Variants in COL11A1 observed in about 807,000 individuals in gnomAD.
COL11A1 encodes collagen alpha-1(XI) chain.
COL11A1 carries 74 observed loss-of-function variants against 265.2 expected under a neutral mutation model. The observed-to-expected ratio is 0.28, with a 90% CI of 0.23 to 0.34. COL11A1 has a LOEUF of 0.34. COL11A1 is among the 10% of genes least tolerant of loss of function. The pLI is 1.00. For missense variants in COL11A1, 2,165 were observed against 2,263.6 expected (o/e 0.96, Z 0.88); for synonymous variants, 816 against 727.6 (o/e 1.12, Z -1.96).
At chr1:103,049,479 G>A (rs1669603775) in intron 4 of COL11A1, among the ~76,000 whole-genome samples, 1 of 151,928 alleles carries the variant, frequency 6.6e-6, no homozygotes, top group South Asian at 2.1e-4. Flanking sequence ...CTTTTATTTT[G>A]AGCCTATGTG....
intron 46 of COL11A1, among the ~76,000 whole-genome samples, chr1:102,932,424 C>T (rs529059741): frequency 6.6e-6 from 1 of 152,324 alleles, no homozygotes; most frequent in East Asian, 1.9e-4. Flanking sequence ...TTGGCCCCCA[C>T]TCTCTTCTGG....
chr1:103,038,690 G>C (rs1668570264), intron 4 of COL11A1, among the ~76,000 whole-genome samples: 1 of 152,142 alleles, frequency 6.6e-6, no homozygotes, highest in African/African-American at 2.4e-5. Flanking sequence ...ATTGATCAAT[G>C]TTGTATTTTA....
At chr1:102,905,730 C>T (rs943524243) in intron 54 of COL11A1, among the ~76,000 whole-genome samples, 8 of 151,966 alleles carry the variant, frequency 5.3e-5, no homozygotes, top group Non-Finnish European at 7.4e-5. Flanking sequence ...CCATATATGT[C>T]ACATGAATTT....
chr1:103,000,738 ATTCTGC>A (rs1237408874), intron 24 of COL11A1, among the ~76,000 whole-genome samples: 9 of 152,016 alleles, frequency 5.9e-5, no homozygotes, highest in Admixed American at 5.9e-4. Flanking sequence ...TAACACAAGA[ATTCTGC>A]TTCTAAGTAT....
intron 5 of COL11A1, chr1:103,030,752 G>A (rs1449051345): frequency 1.6e-5 from 5 of 310,330 alleles, no homozygotes; most frequent in South Asian, 8.6e-5. Flanking sequence ...TAGGGAGATG[G>A]CATGTACACC....
At chr1:102,991,048 CAAAA>C (rs2101760100) in intron 28 of COL11A1, among the ~76,000 whole-genome samples, 1 of 151,916 alleles carries the variant, frequency 6.6e-6, no homozygotes, top group South Asian at 2.1e-4. Flanking sequence ...CAAAACAAAA[CAAAA>C]CAAACAAACA....
intron 57 of COL11A1, among the ~76,000 whole-genome samples, chr1:102,892,596 T>C (rs1651904997): frequency 6.6e-6 from 1 of 152,302 alleles, no homozygotes; most frequent in Middle Eastern, 3.4e-3. Context: ...AGCTGCTGCA[T>C]GAATGAGGAT....
At chr1:102,998,484 C>A in intron 24 of COL11A1, 121 bp from the exon 25 acceptor site, 1 of 565,672 alleles carries the variant, frequency 1.8e-6, no homozygotes, top group Non-Finnish European at 3.0e-6. Context: ...AAGTAATAAC[C>A]ATTTAAATAA....
intron 31 of COL11A1, among the ~76,000 whole-genome samples, chr1:102,982,174 C>T (rs913987134): frequency 6.6e-6 from 1 of 151,778 alleles, no homozygotes; most frequent in Admixed American, 6.6e-5. Context: ...AAATTCCAGA[C>T]ATTTCAGTAA....
intron 41 of COL11A1, among the ~76,000 whole-genome samples, chr1:102,954,906 C>T (rs559863317): frequency 6.6e-6 from 1 of 151,890 alleles, no homozygotes; most frequent in African/African-American, 2.4e-5. Context: ...TACTTTCACT[C>T]TCTACATGAC....
At chr1:102,884,223 C>T (rs1339271687) in intron 63 of COL11A1, 2 of 152,182 alleles carry the variant, frequency 1.3e-5, no homozygotes, top group East Asian at 1.9e-4. Flanking sequence ...TAGAATCCCT[C>T]CTCCCCAAAG....
At chr1:103,000,967 G>A (rs572894648) in intron 24 of COL11A1, 25 of 388,464 alleles carry the variant, frequency 6.4e-5, no homozygotes, top group African/African-American at 4.9e-4. Flanking sequence ...CAGCATGGAT[G>A]AACCTAAAAT....
chr1:102,880,099 T>C, intron 65 of COL11A1, 183 bp from the exon 66 acceptor site: 3 of 589,924 alleles, frequency 5.1e-6, no homozygotes, highest in South Asian at 4.1e-5. Context: ...CAAGATTTTA[T>C]GAATTGTATC....
In COL11A1 at chr1:102,974,815, A is replaced by T. The variant is rs1662309353; in HGVS notation, c.2808+15T>A. The T allele has an allele frequency of 1.2e-6, 2 of 1,604,118 alleles. No homozygotes were observed. The highest frequency in any genetic ancestry group is 1.7e-6 in the Non-Finnish European group (2 of 1,171,280). On this transcript the variant is annotated intron_variant, in intron 36 of 66. Coordinates refer to ENST00000370096, the MANE Select transcript of COL11A1 (RefSeq NM_001854.4). Reference sequence around the variant, plus strand: ...TATCAAATGAAGAAAGAGAAAGAGAAGCTCTGACACTTACAGGAGGGCCTT... The same window carrying T: ...TATCAAATGAAGAAAGAGAAAGAGATGCTCTGACACTTACAGGAGGGCCTT...
intron 3 of COL11A1, among the ~76,000 whole-genome samples, chr1:103,075,146 G>T (rs1277903232): frequency 6.6e-6 from 1 of 152,060 alleles, no homozygotes; most frequent in Non-Finnish European, 1.5e-5. Context: ...TAGTTTCCAA[G>T]TACATAAATG....
At chr1:102,974,240 A>G (rs1380811852) in intron 36 of COL11A1, among the ~76,000 whole-genome samples, 1 of 152,206 alleles carries the variant, frequency 6.6e-6, no homozygotes, top group Non-Finnish European at 1.5e-5. Context: ...AAATATTTAA[A>G]TATGAAAACA....
intron 41 of COL11A1, among the ~76,000 whole-genome samples, chr1:102,951,840 T>G (rs868778520): frequency 2.6e-5 from 4 of 152,170 alleles, no homozygotes; most frequent in African/African-American, 7.2e-5. Flanking sequence ...AAATTGCTAT[T>G]GAATGTATAT....
chr1:103,013,356 C>T (rs984441293), intron 13 of COL11A1, among the ~76,000 whole-genome samples: 3 of 151,816 alleles, frequency 2.0e-5, no homozygotes, highest in Admixed American at 6.6e-5. Flanking sequence ...ATGCTTGCTA[C>T]CTATTTTTCA....
At chr1:102,971,296 G>C (rs1661960498) in intron 36 of COL11A1, among the ~76,000 whole-genome samples, 1 of 152,150 alleles carries the variant, frequency 6.6e-6, no homozygotes, top group African/African-American at 2.4e-5. Context: ...TACAAACAAA[G>C]TGAACAACTC....
Sources: allele counts gnomAD v4.1 joint callset (sites outside exome capture counted in the v4.1 genomes callset), GRCh38; gene constraint gnomAD v4.1.1; transcripts MANE v1.5; gene names NCBI Gene and HGNC (gene_info 2026-07-23, HGNC 2026-07-21).